Variants in GRIK2 observed in about 807,000 individuals in gnomAD.
The protein encoded by GRIK2 is glutamate ionotropic receptor kainate type subunit 2.
In GRIK2, 32 loss-of-function variants were observed where a neutral mutation model predicts 100.3. The observed-to-expected ratio is 0.32, with a 90% confidence interval of 0.24 to 0.43. GRIK2 has a LOEUF of 0.43. Ranked by LOEUF, GRIK2 falls within the 20% of genes least tolerant of loss-of-function variation. GRIK2 has a pLI of 1.00. For missense variants in GRIK2, 843 were observed against 1,114.9 expected (o/e 0.76, Z 3.47); for synonymous variants, 417 against 389.4 (o/e 1.07, Z -0.83).
intron 4 of GRIK2, among the ~76,000 whole-genome samples, chr6:101,637,333 C>T (rs568806140): frequency 3.9e-5 from 6 of 152,190 alleles, no homozygotes; most frequent in East Asian, 1.9e-4. Context: ...GTACATCTAA[C>T]GCAACATAAC....
chr6:101,707,976 T>G (rs1191799844), intron 7 of GRIK2, among the ~76,000 whole-genome samples: 1 of 151,758 alleles, frequency 6.6e-6, no homozygotes, highest in Non-Finnish European at 1.5e-5. Context: ...ACCTCTTCCC[T>G]TGTTAATTAG....
intron 2 of GRIK2, among the ~76,000 whole-genome samples, chr6:101,473,204 C>A (rs1772047987): frequency 7.1e-6 from 1 of 140,636 alleles, no homozygotes. Flanking sequence ...TTCCTTCCTT[C>A]CTTGTTTATT....
chr6:101,682,443 A>G lies in GRIK2; in HGVS notation c.724-110A>G, dbSNP rs1771342951. 3 of 684,548 alleles carry G rather than the reference A, an allele frequency of 4.4e-6. No homozygotes were observed. The African/African-American group carries it at 5.5e-5, about 13-fold the overall frequency. The allele number at this position is 684,548 out of a possible 1,614,324, so 42.4% of individuals were successfully genotyped here. A position where few individuals can be genotyped will look rare whatever the true frequency, so the allele number is the denominator to read the frequency against. ...TAACCTAATTGTATGTAACATGAAT[A>G]TTGTAGGTTGATTCTTTATCACATC... On this transcript the variant is annotated intron_variant, in intron 5 of 16. Transcript: ENST00000369134.
chr6:101,760,656 GTTTAATTATATATAATTATATA>G lies in GRIK2; in HGVS notation c.952-38968_952-38947del, dbSNP rs1442661615. Among the ~76,000 whole-genome samples, 11 of 64,114 alleles carry G rather than the reference GTTTAATTATATATAATTATATA, an allele frequency of 1.7e-4. No homozygotes were observed. In the Admixed American group the frequency reaches 2.6e-3, roughly 15 times the overall value. 42.1% of individuals were successfully genotyped at this position (64,114 alleles called of 152,430 possible). Reference sequence around the variant, plus strand: ...TATATATAATTATATATAATTATATGTTTAATTATATATAATTATATATTTAATTATATATAATTATATATAA... The same window carrying G: ...TATATATAATTATATATAATTATATGTTTAATTATATATAATTATATATAA... On this transcript the variant is annotated intron_variant, in intron 7 of 16. Coordinates refer to ENST00000369134, the MANE Select transcript of GRIK2 (RefSeq NM_021956.5).
intron 2 of GRIK2, among the ~76,000 whole-genome samples, chr6:101,558,513 A>T (rs1776850953): frequency 6.6e-6 from 1 of 152,066 alleles, no homozygotes; most frequent in South Asian, 2.1e-4. Flanking sequence ...GGAACACAGA[A>T]TTGGGAACAA....
chr6:101,865,477 A>T (rs7754135), intron 11 of GRIK2, among the ~76,000 whole-genome samples: 11,519 of 152,232 alleles, frequency 0.076, 1,134 homozygotes, highest in African/African-American at 0.23. Flanking sequence ...GGAAACACTA[A>T]ATCAAAAGCA....
At chr6:101,717,628 T>A (rs1344794472) in intron 7 of GRIK2, among the ~76,000 whole-genome samples, 3 of 151,880 alleles carry the variant, frequency 2.0e-5, no homozygotes, top group Non-Finnish European at 4.4e-5. Flanking sequence ...GCTTCTTCCA[T>A]AATAGGACTG....
intron 5 of GRIK2, among the ~76,000 whole-genome samples, chr6:101,678,427 A>T (rs2128340707): frequency 1.3e-5 from 2 of 152,316 alleles, no homozygotes; most frequent in Middle Eastern, 3.4e-3. Flanking sequence ...TAGATGAAAA[A>T]TTAGAAAATA....
chr6:101,717,701 G>A (rs1425220897), intron 7 of GRIK2, among the ~76,000 whole-genome samples: 1 of 151,758 alleles, frequency 6.6e-6, no homozygotes, highest in East Asian at 1.9e-4. Flanking sequence ...TACTGAATAT[G>A]TACTGAATTG....
intron 7 of GRIK2, among the ~76,000 whole-genome samples, chr6:101,719,154 T>G (rs1176577921): frequency 8.6e-5 from 2 of 23,252 alleles, no homozygotes; most frequent in Non-Finnish European, 2.9e-4. Context: ...TTTTTTTTTT[T>G]TTTTTTTTTT....
intron 2 of GRIK2, among the ~76,000 whole-genome samples, chr6:101,548,556 A>G (rs1582691619): frequency 6.6e-6 from 1 of 152,194 alleles, no homozygotes; most frequent in Non-Finnish European, 1.5e-5. Flanking sequence ...CAGTTTTCCC[A>G]GCACCATTTA....
intron 2 of GRIK2, among the ~76,000 whole-genome samples, chr6:101,538,612 C>CT (rs201195114): frequency 0.34 from 50,252 of 147,398 alleles, 8,641 homozygotes; most frequent in South Asian, 0.46. Context: ...CCCTCAGTAT[C>CT]TTTTTTTTTT....
At chr6:101,548,897 G>C (rs984962320) in intron 2 of GRIK2, among the ~76,000 whole-genome samples, 1 of 152,106 alleles carries the variant, frequency 6.6e-6, no homozygotes, top group South Asian at 2.1e-4. Flanking sequence ...TCTTACCTCT[G>C]TATGGCCTCA....
chr6:101,418,218 A>T (rs1046962561), intron 2 of GRIK2, among the ~76,000 whole-genome samples: 6 of 152,196 alleles, frequency 3.9e-5, no homozygotes, highest in African/African-American at 1.4e-4. Context: ...TGATTCTGGG[A>T]GTAACAGACA....
At chr6:101,906,366 C>CTGTGTGTGTGTGTGTGTGTGTGTGTGTG (rs141112872) in intron 12 of GRIK2, among the ~76,000 whole-genome samples, 152 of 145,922 alleles carry the variant, frequency 1.0e-3, no homozygotes, top group East Asian at 3.1e-3. Context: ...AAAACAAGAT[C>CTGTGTGTGTGTGTGTGTGTGTGTGTGTG]TGTGTGTGTG....
intron 14 of GRIK2, among the ~76,000 whole-genome samples, chr6:102,030,442 C>G (rs893912920): frequency 1.3e-5 from 2 of 150,872 alleles, no homozygotes; most frequent in Non-Finnish European, 3.0e-5. Flanking sequence ...CTTACTGCTA[C>G]CAGTTTACTT....
At chr6:101,836,976 T>C (rs1783168298) in intron 10 of GRIK2, among the ~76,000 whole-genome samples, 1 of 152,048 alleles carries the variant, frequency 6.6e-6, no homozygotes, top group South Asian at 2.1e-4. Flanking sequence ...TTGCATTATA[T>C]TTCTATTCAG....
At chr6:101,791,936 G>T (rs1179769051) in intron 7 of GRIK2, among the ~76,000 whole-genome samples, 2 of 152,056 alleles carry the variant, frequency 1.3e-5, no homozygotes, top group African/African-American at 2.4e-5. Context: ...TCTTCTTGTT[G>T]AATTGATCCC....
intron 14 of GRIK2, among the ~76,000 whole-genome samples, chr6:102,002,549 C>T (rs1353763116): frequency 2.7e-5 from 4 of 149,942 alleles, no homozygotes; most frequent in Non-Finnish European, 1.5e-5. Flanking sequence ...AACATATTAT[C>T]TGCTCTTGAG....
Sources: gnomAD v4.1 joint callset for allele counts (sites outside exome capture counted in the v4.1 genomes callset) on GRCh38, gnomAD v4.1.1 for gene constraint, MANE v1.5 for transcripts, NCBI Gene and HGNC (gene_info 2026-07-23, HGNC 2026-07-21) for gene names.